The following ZNF541 variants were observed in gnomAD, a reference collection of about 807,000 sequenced individuals.
ZNF541 encodes zinc finger protein 541.
A neutral mutation model predicts 123.5 loss-of-function variants in ZNF541; 23 were observed. The observed-to-expected ratio is 0.19, with a 90% CI of 0.13 to 0.26. ZNF541 has a LOEUF of 0.26. Among genes scored for constraint, ZNF541 ranks in the 10% least tolerant of loss-of-function variants. ZNF541 has a pLI of 1.00. For synonymous variants in ZNF541, 751 were observed against 754.5 expected (o/e 1.00, Z 0.08); for missense variants, 1,612 against 1,789.9 (o/e 0.90, Z 1.79).
Position 47,529,023 on chromosome 19 carries a change from G to A in ZNF541, c.3497C>T (p.Thr1166Ile). Residue 1166 changes from threonine to isoleucine, a missense_variant, in exon 14 of 17, where the codon ACC becomes ATC. Physicochemically the swap from Thr to Ile is moderately conservative, Grantham distance 89. Around this residue, in one of 5 missense-constraint regions of ZNF541, gnomAD observed 285 missense variants for 407.3 expected, o/e 0.70. Coordinates refer to ENST00000391901, the MANE Select transcript of ZNF541 (RefSeq NM_001277075.3). The part of the protein sequence containing the change: ...DYRYTGSDVW[T>I]PIEKRLFKKA... ...CTTAAAAAGCCTCTTCTCTATAGGGGTCCAGACGTCTGAACCTATCAAAGA... is the reference window on the plus strand; with the variant it reads ...CTTAAAAAGCCTCTTCTCTATAGGGATCCAGACGTCTGAACCTATCAAAGA... The A allele has an allele frequency of 6.4e-7, 1 of 1,551,534 alleles. No individual in the cohort carries two copies.
intron 14 of ZNF541, among the ~76,000 whole-genome samples, chr19:47,523,411 G>A (rs1413699565): frequency 6.7e-6 from 1 of 149,432 alleles, no homozygotes; most frequent in Non-Finnish European, 1.5e-5. Context: ...AAATTAAATC[G>A]GCTATTGAGC....
intron 2 of ZNF541, among the ~76,000 whole-genome samples, chr19:47,561,833 A>G (rs1971075330): frequency 6.6e-6 from 1 of 152,204 alleles, no homozygotes; most frequent in South Asian, 2.1e-4. Flanking sequence ...TTACAAAAAT[A>G]GCTTAGAAAA....
chr19:47,571,123 T>C (rs1971462761), intron 2 of ZNF541, among the ~76,000 whole-genome samples: 1 of 151,948 alleles, frequency 6.6e-6, no homozygotes, highest in Non-Finnish European at 1.5e-5. Flanking sequence ...GCTGTCTTTT[T>C]TTTTTTTGAG....
intron 2 of ZNF541, among the ~76,000 whole-genome samples, chr19:47,561,716 G>GT (rs142893590): frequency 0.14 from 20,764 of 147,378 alleles, 2,543 homozygotes; most frequent in African/African-American, 0.34. Context: ...TTTCTGTTTT[G>GT]TTTTTTTTTT....
Position 47,544,886 on chromosome 19 carries a change from G to A in ZNF541, c.1643C>T (p.Pro548Leu), listed in dbSNP as rs1268939656. The A allele has an allele frequency of 3.3e-6, 5 of 1,536,208 alleles. No homozygotes were observed. The highest frequency in any genetic ancestry group is 2.4e-5 in the South Asian group (2 of 84,066). Residue 548 changes from proline to leucine, a missense_variant, in exon 5 of 17, where the codon CCT becomes CTT. Physicochemically the swap from Pro to Leu is moderately conservative, Grantham distance 98 (BLOSUM62 -3). This residue lies in a region of ZNF541 where 1,080 missense variants were observed against 1,013.8 expected (regional missense o/e 1.07). Coordinates refer to ENST00000391901, the MANE Select transcript of ZNF541 (RefSeq NM_001277075.3). ...CTGCATCTGCTCGTGGCTCACAAGA[G>A]GTTCCTGCGACTTGAGGAAGAGCTG... ...FRQLFLKSQE[P>L]LVSHEQMQVF...
chr19:47,533,279 G>C (rs750227715), intron 9 of ZNF541, among the ~76,000 whole-genome samples: 1 of 146,664 alleles, frequency 6.8e-6, no homozygotes, highest in East Asian at 2.0e-4. Flanking sequence ...AGAATGGCGT[G>C]AACCCAGGAG....
chr19:47,525,880 C>T (rs1211804746), intron 14 of ZNF541, among the ~76,000 whole-genome samples: 2 of 140,436 alleles, frequency 1.4e-5, no homozygotes, highest in East Asian at 2.1e-4. Flanking sequence ...CTCGCCACTG[C>T]ACTCCAGTCT....
At position 47,549,457 on chromosome 19, in the gene ZNF541, T is replaced by C; in HGVS notation, c.336A>G (p.Lys112=). 2 of 1,551,812 alleles carry C rather than the reference T, an allele frequency of 1.3e-6. No individual in the cohort carries two copies. The highest frequency in any genetic ancestry group is 1.7e-6 in the Non-Finnish European group (2 of 1,147,032). ...TGGCCCTTCCTCCTTCGTCAGCCTC[T>C]TTAGCCTTAAGCACACCTAGCCCCA... ...QDLGLGVLKA[K]EADEGGRATS... The change falls in exon 4 of 17, where the codon AAA becomes AAG. Residue 112 remains lysine (K), a synonymous_variant. Coordinates refer to ENST00000391901, the MANE Select transcript of ZNF541 (RefSeq NM_001277075.3).
chr19:47,554,695 A>G (rs796100549), intron 3 of ZNF541, among the ~76,000 whole-genome samples: 4 of 152,338 alleles, frequency 2.6e-5, no homozygotes, highest in African/African-American at 9.6e-5. Flanking sequence ...GAAAGTCTTC[A>G]GTAAATGCTA....
chr19:47,551,259 C>CGA (rs1970588261), intron 3 of ZNF541, among the ~76,000 whole-genome samples: 1 of 151,918 alleles, frequency 6.6e-6, no homozygotes, highest in Non-Finnish European at 1.5e-5. Flanking sequence ...AGGCTGGTCT[C>CGA]GAACTTCTGG....
chr19:47,522,637 T>G (rs533717875), intron 14 of ZNF541, among the ~76,000 whole-genome samples: 20 of 152,056 alleles, frequency 1.3e-4, no homozygotes, highest in African/African-American at 4.3e-4. Context: ...TCTACAGAAT[T>G]TTTAAAAAAT....
chr19:47,532,794 G>T (rs969868821), intron 10 of ZNF541, 115 bp downstream of exon 10: 1 of 862,020 alleles, frequency 1.2e-6, no homozygotes, highest in Non-Finnish European at 1.7e-6. Flanking sequence ...TCACGCCTAG[G>T]GAGCCTATGT....
intron 14 of ZNF541, among the ~76,000 whole-genome samples, chr19:47,526,367 A>G (rs955751535): frequency 1.3e-5 from 2 of 151,860 alleles, no homozygotes; most frequent in Non-Finnish European, 2.9e-5. Flanking sequence ...CTGTAATCCC[A>G]GCTACTCAGG....
At chr19:47,540,380 T>C (rs969685883) in intron 6 of ZNF541, 45 bp from the exon 7 acceptor site, 43 of 1,483,634 alleles carry the variant, frequency 2.9e-5, no homozygotes, top group Non-Finnish European at 3.4e-5. Context: ...TAGGACTCTG[T>C]CCTTGATCAC....
At chr19:47,557,548 G>T (rs1238872340) in intron 2 of ZNF541, among the ~76,000 whole-genome samples, 1 of 152,092 alleles carries the variant, frequency 6.6e-6, no homozygotes, top group African/African-American at 2.4e-5. Flanking sequence ...CATGAGAGAG[G>T]GAGGGAGGAG....
chr19:47,551,553 T>G (rs1012389394), intron 3 of ZNF541, among the ~76,000 whole-genome samples: 1 of 151,900 alleles, frequency 6.6e-6, no homozygotes, highest in Non-Finnish European at 1.5e-5. Context: ...TATTTTTATT[T>G]CTTGAGACAG....
intron 12 of ZNF541, 143 bp from the exon 13 acceptor site, chr19:47,529,795 G>T: frequency 1.4e-6 from 1 of 708,274 alleles, no homozygotes. Flanking sequence ...CCCTGGATGG[G>T]CCACCAGCCT....
At chr19:47,550,776 A>G (rs143567336) in intron 3 of ZNF541, among the ~76,000 whole-genome samples, 1 of 151,964 alleles carries the variant, frequency 6.6e-6, no homozygotes, top group Admixed American at 6.6e-5. Flanking sequence ...CCTACTGAGT[A>G]GCTGGGACTA....
chr19:47,539,297 C>CTTT (rs1001789975), intron 8 of ZNF541, among the ~76,000 whole-genome samples: 17 of 125,828 alleles, frequency 1.4e-4, no homozygotes, highest in Admixed American at 2.5e-4. Context: ...TCAAGATTTT[C>CTTT]TTTTTTTTTT....
Sources: allele counts gnomAD v4.1 joint callset (sites outside exome capture counted in the v4.1 genomes callset), GRCh38; gene constraint gnomAD v4.1.1; regional missense constraint gnomAD v4.1.1; transcripts MANE v1.5; gene names NCBI Gene and HGNC (gene_info 2026-07-23, HGNC 2026-07-21).